Variants in CTNND2 observed in about 807,000 individuals in gnomAD.
CTNND2 encodes catenin delta-2.
CTNND2 carries 22 observed loss-of-function variants against 144.4 expected under a neutral mutation model. The ratio of observed to expected loss-of-function variants is 0.15; its 90% CI spans 0.11 to 0.22. CTNND2 has a LOEUF of 0.22. Among genes scored for constraint, CTNND2 ranks in the 10% least tolerant of loss-of-function variants. The probability of loss-of-function intolerance (pLI) is 1.00; values close to 1 mark genes in which losing one functional copy is unlikely to be tolerated. For synonymous variants in CTNND2, 751 were observed against 695.6 expected (o/e 1.08, Z -1.25); for missense variants, 1,353 against 1,618.8 (o/e 0.84, Z 2.82).
At chr5:11,405,667 G>A (rs895153272) in intron 5 of CTNND2, among the ~76,000 whole-genome samples, 1 of 152,060 alleles carries the variant, frequency 6.6e-6, no homozygotes, top group Non-Finnish European at 1.5e-5. Flanking sequence ...CTTCCTGAAG[G>A]ATTTTATTAT....
intron 9 of CTNND2, among the ~76,000 whole-genome samples, chr5:11,323,556 G>A (rs1281985315): frequency 6.6e-6 from 1 of 152,188 alleles, no homozygotes; most frequent in African/African-American, 2.4e-5. Flanking sequence ...TTTTAGCTTA[G>A]GAAACAGACA....
intron 10 of CTNND2, among the ~76,000 whole-genome samples, chr5:11,234,875 T>C (rs1446174839): frequency 6.6e-6 from 1 of 152,202 alleles, no homozygotes; most frequent in Non-Finnish European, 1.5e-5. Context: ...GCTTCCTTTT[T>C]TGGTATCCGC....
intron 6 of CTNND2, among the ~76,000 whole-genome samples, chr5:11,390,703 C>A: frequency 6.6e-6 from 1 of 152,200 alleles, no homozygotes; most frequent in Non-Finnish European, 1.5e-5. Flanking sequence ...GGCAGCCGGG[C>A]CAACAGTGTC....
intron 3 of CTNND2, among the ~76,000 whole-genome samples, chr5:11,506,136 C>T (rs1002565383): frequency 6.6e-6 from 1 of 152,106 alleles, no homozygotes; most frequent in African/African-American, 2.4e-5. Context: ...AACTTCCCAA[C>T]CTACACTGTT....
At chr5:10,976,019 A>T (rs1736423610) in intron 21 of CTNND2, among the ~76,000 whole-genome samples, 1 of 152,088 alleles carries the variant, frequency 6.6e-6, no homozygotes, top group Admixed American at 6.5e-5. Flanking sequence ...CACACCAATC[A>T]CTTCTGAGGT....
chr5:11,349,684 A>AATATT (rs1488432780), intron 8 of CTNND2, among the ~76,000 whole-genome samples: 5 of 152,216 alleles, frequency 3.3e-5, no homozygotes, highest in Non-Finnish European at 7.3e-5. Flanking sequence ...TAACAACCTG[A>AATATT]ATATTATATT....
chr5:11,579,619 CATA>C (rs1778255281), intron 2 of CTNND2, among the ~76,000 whole-genome samples: 1 of 152,094 alleles, frequency 6.6e-6, no homozygotes, highest in African/African-American at 2.4e-5. Flanking sequence ...ATTAGCAGCC[CATA>C]ACAACTTAGT....
At chr5:11,472,386 T>G (rs1767313485) in intron 3 of CTNND2, among the ~76,000 whole-genome samples, 1 of 152,224 alleles carries the variant, frequency 6.6e-6, no homozygotes, top group Non-Finnish European at 1.5e-5. Context: ...TTCTCATTAA[T>G]CTTATCCTAA....
chr5:11,605,184 T>C (rs1779985204), intron 2 of CTNND2, among the ~76,000 whole-genome samples: 1 of 152,176 alleles, frequency 6.6e-6, no homozygotes, highest in Admixed American at 6.5e-5. Context: ...CTCCTAACAG[T>C]GCCAAGAGGG....
rs565979312 is a variant in CTNND2, at chr5:11,534,418, C to A, written c.287+30526G>T. Among the ~76,000 whole-genome samples the A allele has an allele frequency of 6.6e-5, 10 of 152,164 alleles. No individual in the cohort carries two copies. In the East Asian group the frequency reaches 1.9e-3, roughly 29 times the overall value. ...ATCACCTGAGGTCAGGAGTTCGAGA[C>A]CAGCCTGGCTAACATTCCTACCAAA... On this transcript the variant is annotated intron_variant, in intron 3 of 21. Coordinates refer to ENST00000304623, the MANE Select transcript of CTNND2 (RefSeq NM_001332.4).
At chr5:11,796,015 C>T (rs1029024552) in intron 1 of CTNND2, among the ~76,000 whole-genome samples, 1 of 152,192 alleles carries the variant, frequency 6.6e-6, no homozygotes, top group Non-Finnish European at 1.5e-5. Context: ...TGGCTCCTGG[C>T]CTCCTACCTC....
intron 19 of CTNND2, among the ~76,000 whole-genome samples, chr5:10,991,607 T>A (rs960928495): frequency 6.6e-6 from 1 of 152,170 alleles, no homozygotes; most frequent in African/African-American, 2.4e-5. Flanking sequence ...TAATGTGAAT[T>A]AAAAAGGGTA....
At chr5:11,418,955 T>G (rs1762118687) in intron 3 of CTNND2, among the ~76,000 whole-genome samples, 2 of 151,788 alleles carry the variant, frequency 1.3e-5, no homozygotes, top group South Asian at 4.2e-4. Context: ...TAAACAATAT[T>G]GTTTATAAAT....
intron 9 of CTNND2, among the ~76,000 whole-genome samples, chr5:11,307,304 AGTGT>A (rs3033112): frequency 0.11 from 16,207 of 146,296 alleles, 887 homozygotes; most frequent in African/African-American, 0.13. Flanking sequence ...AAGGTAGAGT[AGTGT>A]GTGTGTGTGT....
chr5:11,415,399 T>G (rs1266065426), intron 3 of CTNND2, among the ~76,000 whole-genome samples: 1 of 152,128 alleles, frequency 6.6e-6, no homozygotes, highest in Admixed American at 6.6e-5. Context: ...AGGCCAGGAA[T>G]TCCAGACTAG....
At chr5:11,335,220 A>G (rs917830550) in intron 9 of CTNND2, among the ~76,000 whole-genome samples, 5 of 152,172 alleles carry the variant, frequency 3.3e-5, no homozygotes, top group Admixed American at 6.5e-5. Flanking sequence ...TTTAAAATAT[A>G]TTTTTTACTA....
intron 3 of CTNND2, among the ~76,000 whole-genome samples, chr5:11,498,917 G>T (rs772473935): frequency 2.0e-5 from 3 of 151,344 alleles, no homozygotes; most frequent in Non-Finnish European, 4.4e-5. Flanking sequence ...CTGGATGTGT[G>T]TTTTTTTTTA....
chr5:11,834,905 C>A (rs774852155), intron 1 of CTNND2, among the ~76,000 whole-genome samples: 1 of 152,146 alleles, frequency 6.6e-6, no homozygotes, highest in African/African-American at 2.4e-5. Context: ...CTTTGGGAGT[C>A]CAGAGCAGGA....
At chr5:11,692,962 T>G (rs1262086895) in intron 2 of CTNND2, among the ~76,000 whole-genome samples, 1 of 152,200 alleles carries the variant, frequency 6.6e-6, no homozygotes, top group Non-Finnish European at 1.5e-5. Flanking sequence ...AAATCTCTTC[T>G]TATCTCCCCA....
Sources: gnomAD v4.1 joint callset for allele counts (sites outside exome capture counted in the v4.1 genomes callset) on GRCh38, gnomAD v4.1.1 for gene constraint, MANE v1.5 for transcripts, NCBI Gene and HGNC (gene_info 2026-07-23, HGNC 2026-07-21) for gene names.